Variants in ZMYND8 observed in about 807,000 individuals in gnomAD.
ZMYND8 encodes the protein MYND-type zinc finger-containing chromatin reader ZMYND8.
ZMYND8 carries 37 observed loss-of-function variants against 140.8 expected under a neutral mutation model. The ratio of observed to expected loss-of-function variants is 0.26; its 90% CI spans 0.20 to 0.35. The LOEUF is 0.35. Among genes scored for constraint, ZMYND8 ranks in the 10% least tolerant of loss-of-function variants. The probability of loss-of-function intolerance (pLI) is 1.00; values close to 1 mark genes in which losing one functional copy is unlikely to be tolerated. For missense variants in ZMYND8, 1,068 were observed against 1,570.0 expected (o/e 0.68, Z 5.40); for synonymous variants, 592 against 597.1 (o/e 0.99, Z 0.12).
chr20:47,249,576 C>G (rs2074001818), intron 12 of ZMYND8, 137 bp from the exon 13 acceptor site: 1 of 1,191,750 alleles, frequency 8.4e-7, no homozygotes, highest in Non-Finnish European at 1.2e-6. Context: ...TCATTCATCC[C>G]AACAATATCA....
chr20:47,254,056 A>G (rs2074400399), intron 12 of ZMYND8, among the ~76,000 whole-genome samples: 1 of 152,222 alleles, frequency 6.6e-6, no homozygotes, highest in African/African-American at 2.4e-5. Flanking sequence ...TCCTCCGCAG[A>G]GAGAAAACAG....
At chr20:47,249,059 T>G (rs1184856761) in intron 13 of ZMYND8, among the ~76,000 whole-genome samples, 1 of 152,188 alleles carries the variant, frequency 6.6e-6, no homozygotes, top group Non-Finnish European at 1.5e-5. Flanking sequence ...GTTTCCAGAC[T>G]GCTTTCACCA....
intron 1 of ZMYND8, among the ~76,000 whole-genome samples, chr20:47,349,362 C>T (rs929818721): frequency 3.3e-5 from 5 of 152,166 alleles, no homozygotes; most frequent in Non-Finnish European, 5.9e-5. Flanking sequence ...ACACAAATCA[C>T]CAAAGAAACA....
intron 21 of ZMYND8, among the ~76,000 whole-genome samples, chr20:47,215,756 C>G (rs1430021152): frequency 1.3e-5 from 2 of 152,166 alleles, no homozygotes; most frequent in Admixed American, 1.3e-4. Context: ...AATATGGTAA[C>G]CACTACAATA....
At chr20:47,289,444 C>T (rs1305803294) in intron 7 of ZMYND8, among the ~76,000 whole-genome samples, 2 of 152,084 alleles carry the variant, frequency 1.3e-5, no homozygotes, top group African/African-American at 2.4e-5. Context: ...GAGCTGGCAA[C>T]ACCACTCCTA....
intron 16 of ZMYND8, 62 bp downstream of exon 16, chr20:47,236,264 C>G (rs2039223194): frequency 6.2e-7 from 1 of 1,606,978 alleles, no homozygotes; most frequent in East Asian, 2.2e-5. Context: ...CCTCGGGAGA[C>G]CAAGATTCTG....
chr20:47,234,518 C>A (rs2038959168), intron 16 of ZMYND8, among the ~76,000 whole-genome samples: 1 of 152,204 alleles, frequency 6.6e-6, no homozygotes, highest in Non-Finnish European at 1.5e-5. Flanking sequence ...GAGTCCCAAA[C>A]CCTTGCAGAC....
rs980571265 is a variant in ZMYND8 at position 47,300,953 on chromosome 20, G to A, written c.235-2006C>T. Among the ~76,000 whole-genome samples, 10 of 147,160 alleles carry A rather than the reference G, an allele frequency of 6.8e-5. No individual in the cohort carries two copies. In the Admixed American group the frequency reaches 6.8e-4, roughly 10 times the overall value. On this transcript the variant is annotated intron_variant, in intron 3 of 22. Transcript: ENST00000471951. ...GTGTGTGTTTTGTTTTGTTTTTTTT[G>A]TAGAGACAGGGTTTCACCATGTTAC... is the stretch of plus-strand genomic sequence containing the variant.
At chr20:47,335,489 T>C (rs1174365893) in intron 2 of ZMYND8, among the ~76,000 whole-genome samples, 1 of 151,938 alleles carries the variant, frequency 6.6e-6, no homozygotes, top group African/African-American at 2.4e-5. Flanking sequence ...AAGGATCCAC[T>C]ATCAATAGAG....
rs768524845 is a variant in ZMYND8, at chr20:47,283,637, G to C, written c.816C>G (p.Ile272Met). The change falls in exon 9 of 23, where the codon ATC (isoleucine) becomes ATG (methionine). Residue 272 changes from isoleucine to methionine, a missense_variant. By Grantham distance (10) the Ile-to-Met change is conservative. Coordinates refer to ENST00000471951, the MANE Select transcript of ZMYND8 (RefSeq NM_001281775.3). ...CTAGATAACATTCTGGACATACTTCGATTTCATTCATCTGTAAAGCAAAAA... is the reference window on the plus strand; with the variant it reads ...CTAGATAACATTCTGGACATACTTCCATTTCATTCATCTGTAAAGCAAAAA... The part of the protein sequence containing the change: ...IKICEHEMNE[I>M]EVCPECYLAA... The C allele has an allele frequency of 1.9e-6, 3 of 1,613,910 alleles. No homozygotes were observed. The highest frequency in any genetic ancestry group is 1.1e-5 in the South Asian group (1 of 91,032).
At chr20:47,260,361 C>T (rs2075062296) in intron 12 of ZMYND8, among the ~76,000 whole-genome samples, 1 of 152,190 alleles carries the variant, frequency 6.6e-6, no homozygotes, top group Non-Finnish European at 1.5e-5. Flanking sequence ...TCCATCCACA[C>T]CAGGGTCTAC....
intron 6 of ZMYND8, 69 bp from the exon 7 acceptor site, chr20:47,290,343 C>T: frequency 7.2e-7 from 1 of 1,392,048 alleles, no homozygotes; most frequent in Non-Finnish European, 1.0e-6. Context: ...ACTCTTGTGT[C>T]CCCACATAAT....
chr20:47,218,669 A>C (rs1008074723), intron 21 of ZMYND8, among the ~76,000 whole-genome samples: 1 of 152,214 alleles, frequency 6.6e-6, no homozygotes, highest in Non-Finnish European at 1.5e-5. Context: ...AAGACATCTT[A>C]GCACTAAACT....
rs1174729822 is a variant in ZMYND8, at chr20:47,233,205, CTTTTTTTTTTT to C, written c.2856+3110_2856+3120del. Among the ~76,000 whole-genome samples, 3 of 91,398 alleles carry C rather than the reference CTTTTTTTTTTT, an allele frequency of 3.3e-5. No individual in the cohort carries two copies. The East Asian group carries it at 9.1e-4, about 28-fold the overall frequency. 60.0% of individuals were successfully genotyped at this position (91,398 alleles called of 152,430 possible). A position where few individuals can be genotyped will look rare whatever the true frequency, so the allele number is the denominator to read the frequency against. On this transcript the variant is annotated intron_variant, in intron 16 of 22. Transcript: ENST00000471951. ...TCCAGGTGTGAGACACCGCACCAGG[CTTTTTTTTTTT>C]TTTTTTTTTTGAGACAGGGTCCTGC...
intron 11 of ZMYND8, among the ~76,000 whole-genome samples, chr20:47,267,251 T>A (rs1235316739): frequency 3.4e-5 from 5 of 147,410 alleles, no homozygotes; most frequent in African/African-American, 1.3e-4. Context: ...GGGTGAGAGG[T>A]AGGGGTGGAA....
At chr20:47,268,113 G>A (rs73910816) in intron 11 of ZMYND8, among the ~76,000 whole-genome samples, 17,195 of 152,114 alleles carry the variant, frequency 0.11, 1,086 homozygotes, top group South Asian at 0.26. Flanking sequence ...AATAATTGAA[G>A]AAGGAGGTTT....
intron 2 of ZMYND8, among the ~76,000 whole-genome samples, chr20:47,345,967 G>A (rs1287401119): frequency 2.0e-5 from 3 of 152,132 alleles, no homozygotes; most frequent in Non-Finnish European, 4.4e-5. Flanking sequence ...CCCAATCCAC[G>A]TTTTTGAAGC....
At chr20:47,270,635 A>G (rs1307673682) in intron 11 of ZMYND8, among the ~76,000 whole-genome samples, 4 of 140,298 alleles carry the variant, frequency 2.9e-5, no homozygotes, top group African/African-American at 1.1e-4. Flanking sequence ...CTAAGGCGGG[A>G]GGATCGCTTA....
rs138242634 is a variant in ZMYND8, at chr20:47,262,622, T to C, written c.1481-194A>G. ...TTTTCAGCAAAGGGCTTTAACCGGA[T>C]GTGAAACCGTTAAAGCCACAAATGA... On this transcript the variant is annotated intron_variant, in intron 11 of 22. Coordinates refer to ENST00000471951, the MANE Select transcript of ZMYND8 (RefSeq NM_001281775.3). Among the ~76,000 whole-genome samples the C allele has an allele frequency of 4.6e-3, 693 of 152,294 alleles. 4 individuals carry two copies. The highest frequency in any genetic ancestry group is 0.036 in the South Asian group (176 of 4,830).
Sources: gnomAD v4.1 joint callset for allele counts (sites outside exome capture counted in the v4.1 genomes callset) on GRCh38, gnomAD v4.1.1 for gene constraint, MANE v1.5 for transcripts, NCBI Gene and HGNC (gene_info 2026-07-23, HGNC 2026-07-21) for gene names.